Variants in RBFOX1 observed in about 807,000 individuals in gnomAD.
The protein encoded by RBFOX1 is RNA binding fox-1 homolog 1, also known as RNA binding protein fox-1 homolog 1.
A neutral mutation model predicts 57.7 loss-of-function variants in RBFOX1; 8 were observed. The ratio of observed to expected loss-of-function variants is 0.14; its 90% CI spans 0.08 to 0.25. RBFOX1 has a LOEUF of 0.25. Ranked by LOEUF, RBFOX1 falls within the 10% of genes least tolerant of loss-of-function variation. RBFOX1 has a pLI of 1.00. For synonymous variants in RBFOX1, 326 were observed against 222.4 expected (o/e 1.47, Z -4.15); for missense variants, 611 against 548.5 (o/e 1.11, Z -1.14).
chr16:6,658,638 C>T (rs1243171511), intron 3 of RBFOX1, among the ~76,000 whole-genome samples: 1 of 152,234 alleles, frequency 6.6e-6, no homozygotes, highest in Non-Finnish European at 1.5e-5. Flanking sequence ...TTCTTTATCC[C>T]AGAAGCCTAT....
intron 2 of RBFOX1, among the ~76,000 whole-genome samples, chr16:6,319,481 A>G (rs1302067455): frequency 1.3e-5 from 2 of 152,204 alleles, no homozygotes; most frequent in East Asian, 3.9e-4. Context: ...CTGAATAGGT[A>G]GATGAATGCT....
intron 3 of RBFOX1, among the ~76,000 whole-genome samples, chr16:6,787,313 G>A (rs917640258): frequency 2.0e-5 from 3 of 152,212 alleles, no homozygotes; most frequent in Admixed American, 2.0e-4. Context: ...GTCCTGCCAT[G>A]TTCGTGTATT....
chr16:5,722,991 G>A (rs1373635549), intron 3 of RBFOX1, among the ~76,000 whole-genome samples: 5 of 152,176 alleles, frequency 3.3e-5, no homozygotes, highest in East Asian at 1.9e-4. Flanking sequence ...TGCCATATTC[G>A]CATACTTAGG....
intron 1 of RBFOX1, among the ~76,000 whole-genome samples, chr16:5,437,501 A>G (rs758262833): frequency 6.6e-6 from 1 of 152,256 alleles, no homozygotes; most frequent in Non-Finnish European, 1.5e-5. Context: ...AACTACCTAA[A>G]GTGAAAGCAA....
chr16:5,374,379 A>AG (rs2065935616), intron 1 of RBFOX1, among the ~76,000 whole-genome samples: 1 of 152,206 alleles, frequency 6.6e-6, no homozygotes, highest in Non-Finnish European at 1.5e-5. Context: ...GGCTTCCTGG[A>AG]GGAGGTGGCC....
At chr16:7,621,112 T>G (rs1382315743) in intron 10 of RBFOX1, among the ~76,000 whole-genome samples, 1 of 152,136 alleles carries the variant, frequency 6.6e-6, no homozygotes, top group African/African-American at 2.4e-5. Flanking sequence ...TAGTAGAGTT[T>G]GAGAAGCAAG....
intron 2 of RBFOX1, among the ~76,000 whole-genome samples, chr16:6,410,563 T>G (rs2093427654): frequency 6.6e-6 from 1 of 152,040 alleles, no homozygotes; most frequent in Non-Finnish European, 1.5e-5. Context: ...CACCCGCCTC[T>G]GCCTCCCAAA....
At chr16:6,735,708 T>C (rs544370906) in intron 3 of RBFOX1, among the ~76,000 whole-genome samples, 23 of 152,238 alleles carry the variant, frequency 1.5e-4, no homozygotes, top group Non-Finnish European at 2.9e-4. Context: ...CCCTAGAAAC[T>C]GAATTTGGTT....
rs60731674 is a variant in RBFOX1, at chr16:6,680,294, T to TTTTTTTTTTTTTTTTG, written c.-16+25644_-16+25645insTTTTTTTTTTTTTTTG. On this transcript the variant is annotated intron_variant, in intron 3 of 15. Coordinates refer to ENST00000550418, the MANE Select transcript of RBFOX1 (RefSeq NM_018723.4). ...TCTCTCTTTTTTTTTTTTTTTTTTT[T>TTTTTTTTTTTTTTTTG]ATTTGTCGCCCAGGCTGGAGTGCAG... Among the ~76,000 whole-genome samples the TTTTTTTTTTTTTTTTG allele has an allele frequency of 2.8e-3, 292 of 103,072 alleles. 2 individuals are homozygous for TTTTTTTTTTTTTTTTG. The highest frequency in any genetic ancestry group is 3.8e-3 in the Non-Finnish European group (196 of 51,782). The allele number at this position is 103,072 out of a possible 152,430, so 67.6% of individuals were successfully genotyped here. A position where few individuals can be genotyped will look rare whatever the true frequency, so the allele number is the denominator to read the frequency against.
In RBFOX1 at chr16:6,381,425, T is replaced by C. The variant is rs560763789; in HGVS notation, c.-64+64368T>C. Among the ~76,000 whole-genome samples the C allele has an allele frequency of 5.3e-5, 8 of 152,236 alleles. 1 individual carries two copies. In the South Asian group the frequency reaches 1.7e-3, roughly 32 times the overall value. On this transcript the variant is annotated intron_variant, in intron 2 of 15. Coordinates refer to ENST00000550418, the MANE Select transcript of RBFOX1 (RefSeq NM_018723.4). The stretch of plus-strand genomic sequence containing the variant: ...GCTCCCAGTTATAACTAGAGATATG[T>C]TGGAAGTAAAATGCAACGGGCTTGA...
chr16:6,934,888 C>A (rs866607174), intron 3 of RBFOX1, among the ~76,000 whole-genome samples: 1 of 152,012 alleles, frequency 6.6e-6, no homozygotes. Context: ...GAGTTTGAGA[C>A]TAGCCTAGGC....
chr16:6,194,753 A>G (rs924419079), intron 1 of RBFOX1, among the ~76,000 whole-genome samples: 1 of 152,172 alleles, frequency 6.6e-6, no homozygotes, highest in Admixed American at 6.5e-5. Flanking sequence ...CTTGATGCAT[A>G]ATTGTAAATA....
intron 14 of RBFOX1, among the ~76,000 whole-genome samples, chr16:7,679,815 C>G (rs1474039818): frequency 1.3e-5 from 2 of 151,974 alleles, no homozygotes; most frequent in Non-Finnish European, 2.9e-5. Flanking sequence ...AGAAAGAAGA[C>G]CATCTGGTGT....
chr16:5,639,717 G>T (rs2048799751), intron 3 of RBFOX1, among the ~76,000 whole-genome samples: 1 of 152,166 alleles, frequency 6.6e-6, no homozygotes, highest in Non-Finnish European at 1.5e-5. Context: ...TGAGGTGGGA[G>T]GCTGCTCGGC....
intron 4 of RBFOX1, among the ~76,000 whole-genome samples, chr16:7,334,084 A>G (rs868300303): frequency 1.3e-5 from 2 of 152,118 alleles, no homozygotes; most frequent in Non-Finnish European, 2.9e-5. Flanking sequence ...TAGCTCATTA[A>G]TTACAATTTC....
intron 2 of RBFOX1, among the ~76,000 whole-genome samples, chr16:6,557,080 TATAC>T (rs201630713): frequency 0.012 from 1,711 of 142,832 alleles, 16 homozygotes; most frequent in East Asian, 0.067. Context: ...TATATACATA[TATAC>T]ATACATATAC....
chr16:7,049,340 C>T (rs985684123), intron 3 of RBFOX1, among the ~76,000 whole-genome samples: 4 of 152,038 alleles, frequency 2.6e-5, no homozygotes, highest in Non-Finnish European at 5.9e-5. Context: ...GACCACAGTC[C>T]TAGATGTTAA....
intron 1 of RBFOX1, among the ~76,000 whole-genome samples, chr16:6,306,067 A>G (rs969688396): frequency 6.6e-6 from 1 of 152,120 alleles, no homozygotes; most frequent in Non-Finnish European, 1.5e-5. Context: ...GTTTTGCTCT[A>G]GGCACTCTGT....
At chr16:6,114,545 A>G (rs1444562453) in intron 1 of RBFOX1, among the ~76,000 whole-genome samples, 1 of 144,004 alleles carries the variant, frequency 6.9e-6, no homozygotes, top group Non-Finnish European at 1.5e-5. Flanking sequence ...GTCAATTAGA[A>G]TCAATGGCAT....
Sources: allele counts gnomAD v4.1 joint callset (sites outside exome capture counted in the v4.1 genomes callset), GRCh38; gene constraint gnomAD v4.1.1; transcripts MANE v1.5; gene names NCBI Gene and HGNC (gene_info 2026-07-23, HGNC 2026-07-21).